P2RY6: variants seen among roughly 807,000 people sequenced by gnomAD.
P2RY6 encodes pyrimidinergic receptor P2Y6.
Under a neutral mutation model 16.3 loss-of-function variants are expected in P2RY6, and 19 were observed. The ratio of observed to expected loss-of-function variants is 1.16; its 90% CI spans 0.81 to 1.71. The LOEUF is 1.71. Among genes scored for constraint, P2RY6 ranks in the 40% most tolerant of loss-of-function variants. The pLI, the probability that P2RY6 is intolerant of heterozygous loss-of-function variation, is 0.00. For synonymous variants in P2RY6, 184 were observed against 201.5 expected, an observed-to-expected ratio of 0.91 and a Z score of 0.74; for missense variants, 389 against 455.5, an observed-to-expected ratio of 0.85 and a Z score of 1.33.
At chr11:73,277,986 G>T (rs962377093) in intron 1 of P2RY6, among the ~76,000 whole-genome samples, 1 of 152,054 alleles carries the variant, frequency 6.6e-6, no homozygotes, top group African/African-American at 2.4e-5. Context: ...TTGTTTGTTT[G>T]TTTGTTTGTT....
At position 73,296,764 on chromosome 11, in the gene P2RY6, C is replaced by A. The variant is rs1426550726; in HGVS notation, c.246C>A (p.Leu82=). The change falls in exon 3 of 3, where the codon CTC becomes CTA. Residue 82 remains leucine (L), a synonymous_variant. Transcript: ENST00000540124. The part of the protein sequence containing the change: ...DLLYACSLPL[L]IYNYAQGDHW... The stretch of plus-strand genomic sequence containing the variant: ...TATATGCCTGCTCCCTGCCCCTGCT[C>A]ATCTACAACTATGCCCAAGGTGATC... 2 of 1,612,852 alleles carry A rather than the reference C, an allele frequency of 1.2e-6. No homozygotes were observed. The highest frequency in any genetic ancestry group is 1.7e-5 in the Admixed American group (1 of 60,034).
intron 1 of P2RY6, among the ~76,000 whole-genome samples, chr11:73,277,561 C>T (rs1171346611): frequency 3.3e-5 from 5 of 152,188 alleles, no homozygotes; most frequent in Middle Eastern, 3.2e-3. Flanking sequence ...GAACTTTGTT[C>T]CTCACAATAG....
upstream of P2RY6, among the ~76,000 whole-genome samples, chr11:73,268,986 G>A (rs1368755518): frequency 1.3e-5 from 2 of 152,208 alleles, no homozygotes; most frequent in African/African-American, 4.8e-5. Flanking sequence ...GAAGGGGTGA[G>A]ACCCACCCAA....
intron 1 of P2RY6, among the ~76,000 whole-genome samples, chr11:73,287,085 A>G (rs1292599618): frequency 1.3e-5 from 2 of 152,202 alleles, no homozygotes; most frequent in Admixed American, 6.5e-5. Flanking sequence ...AGCTGAAACC[A>G]GGCACTCAAT....
chr11:73,266,081 G>A (rs2135674026), intron 1 of P2RY6, among the ~76,000 whole-genome samples: 1 of 152,298 alleles, frequency 6.6e-6, no homozygotes, highest in East Asian at 1.9e-4. Context: ...GCCCACCCCA[G>A]GAACTCTCAG....
chr11:73,277,460 G>A (rs1863585367), intron 1 of P2RY6, among the ~76,000 whole-genome samples: 1 of 152,216 alleles, frequency 6.6e-6, no homozygotes, highest in South Asian at 2.1e-4. Flanking sequence ...GGAAGGGCCT[G>A]TAATTTGACC....
chr11:73,280,500 C>T (rs927260181), intron 1 of P2RY6, among the ~76,000 whole-genome samples: 3 of 152,206 alleles, frequency 2.0e-5, no homozygotes, highest in African/African-American at 7.2e-5. Context: ...TTGACCATTT[C>T]ACTGCCACCT....
upstream of P2RY6, among the ~76,000 whole-genome samples, chr11:73,269,148 G>A (rs1863203220): frequency 6.6e-6 from 1 of 152,206 alleles, no homozygotes; most frequent in Non-Finnish European, 1.5e-5. Flanking sequence ...CCCAGCAAGG[G>A]CATGTGGGGT....
chr11:73,285,389 A>G (rs1863930038), intron 1 of P2RY6, among the ~76,000 whole-genome samples: 1 of 152,108 alleles, frequency 6.6e-6, no homozygotes, highest in Non-Finnish European at 1.5e-5. Context: ...TGTGTTCTTC[A>G]TGCACACTCC....
At chr11:73,289,304 C>G (rs1864095923) in intron 1 of P2RY6, 2 of 152,486 alleles carry the variant, frequency 1.3e-5, no homozygotes, top group African/African-American at 4.8e-5. Context: ...CGTGTTTTGC[C>G]AAAGGTGTAC....
At chr11:73,264,655 G>C (rs1863043294) in intron 1 of P2RY6, 1 of 152,542 alleles carries the variant, frequency 6.6e-6, no homozygotes, top group South Asian at 2.1e-4. Flanking sequence ...CGCAGGTAAG[G>C]GCGTGCGCGG....
chr11:73,269,996 A>C (rs934093391), upstream of P2RY6: 4 of 152,180 alleles, frequency 2.6e-5, no homozygotes, highest in Non-Finnish European at 5.9e-5. Context: ...TTTCCCATCA[A>C]GGATCAAGGA....
At chr11:73,282,683 A>T (rs970410349) in intron 1 of P2RY6, among the ~76,000 whole-genome samples, 2 of 152,066 alleles carry the variant, frequency 1.3e-5, no homozygotes, top group Non-Finnish European at 2.9e-5. Context: ...CACTAATGGG[A>T]GCTCCTCAAA....
At chr11:73,266,982 C>T (rs371913209) in intron 1 of P2RY6, among the ~76,000 whole-genome samples, 14 of 152,292 alleles carry the variant, frequency 9.2e-5, no homozygotes, top group African/African-American at 2.6e-4. Flanking sequence ...GTGATGCTGT[C>T]GTCACTTCTG....
In P2RY6 at chr11:73,297,286, C is replaced by T; in HGVS notation, c.768C>T (p.His256=). The change falls in exon 3 of 3, where the codon CAC becomes CAT. Residue 256 remains histidine, a synonymous_variant. Transcript: ENST00000540124. ...TTGCCATCAGCTTCCTGCCTTTTCA[C>T]ATCACCAAGACAGCCTACCTGGCAG... ...AAFAISFLPF[H]ITKTAYLAVR... 3.1e-6 allele frequency: 5 copies of T among 1,609,330 alleles called. No homozygotes were observed. Among genetic ancestry groups the T allele is most frequent in the Non-Finnish European group, 4.2e-6 (5 of 1,179,388 alleles).
At chr11:73,271,027 G>A (rs1863282453), upstream of P2RY6, among the ~76,000 whole-genome samples, 1 of 152,244 alleles carries the variant, frequency 6.6e-6, no homozygotes. Flanking sequence ...GACTACAGGT[G>A]TCTCAAGGGC....
At chr11:73,268,331 G>A (rs1863173392), upstream of P2RY6, among the ~76,000 whole-genome samples, 1 of 152,232 alleles carries the variant, frequency 6.6e-6, no homozygotes, top group Non-Finnish European at 1.5e-5. Context: ...TCAGCAAGAA[G>A]GCCTAGCCCT....
chr11:73,291,726 C>G (rs950788918), intron 1 of P2RY6, among the ~76,000 whole-genome samples: 28 of 152,162 alleles, frequency 1.8e-4, no homozygotes, highest in African/African-American at 6.5e-4. Context: ...TAGGAGTCTC[C>G]TCTGCACCTC....
intron 1 of P2RY6, among the ~76,000 whole-genome samples, chr11:73,290,335 G>GAAA (rs1206143102): frequency 1.3e-5 from 2 of 149,986 alleles, no homozygotes; most frequent in Non-Finnish European, 3.0e-5. Context: ...AAGAAAGAAA[G>GAAA]AAAGAAAGAA....
Sources: allele counts gnomAD v4.1 joint callset (sites outside exome capture counted in the v4.1 genomes callset), GRCh38; gene constraint gnomAD v4.1.1; transcripts MANE v1.5; gene names NCBI Gene and HGNC (gene_info 2026-07-23, HGNC 2026-07-21).